SLC27A3: variants seen among roughly 807,000 people sequenced by gnomAD.
SLC27A3 encodes the protein long-chain fatty acid transport protein 3.
In SLC27A3, 60 loss-of-function variants were observed where a neutral mutation model predicts 60.1. The ratio of observed to expected loss-of-function variants is 1.00; its 90% CI spans 0.81 to 1.24. SLC27A3 has a LOEUF of 1.24. Among genes scored for constraint, SLC27A3 ranks in the 50% most tolerant of loss-of-function variants. The probability of loss-of-function intolerance (pLI) is 0.00; values close to 1 mark genes in which losing one functional copy is unlikely to be tolerated. For missense variants in SLC27A3, 1,079 were observed against 929.9 expected (o/e 1.16, Z -2.09); for synonymous variants, 455 against 409.0 (o/e 1.11, Z -1.36).
At chr1:153,779,634 T>C (rs1673437013) in intron 9 of SLC27A3, 161 bp downstream of exon 9, 1 of 943,168 alleles carries the variant, frequency 1.1e-6, no homozygotes, top group East Asian at 2.5e-5. Context: ...ACACAAGCTC[T>C]TCACCCCACT....
At chr1:153,776,838 C>T (rs1419407243) in intron 2 of SLC27A3, 111 bp downstream of exon 2, 2 of 1,095,472 alleles carry the variant, frequency 1.8e-6, no homozygotes, top group Non-Finnish European at 2.7e-6. Context: ...ATTTCATTGG[C>T]ACATCCTTTT....
Position 153,776,184 on chromosome 1 carries a change from C to A in SLC27A3, c.667+20C>A. ...CGCCAGGTAAGGCTGGAGCTCCGAA[C>A]TGACTAAGGCGGGGCCAGCCACAGA... On this transcript the variant is annotated intron_variant, in intron 1 of 9. Transcript: ENST00000624995. 1 of 1,408,654 alleles carries A rather than the reference C, an allele frequency of 7.1e-7. No individual in the cohort carries two copies. Among genetic ancestry groups the A allele is most frequent in the Non-Finnish European group, 9.2e-7 (1 of 1,090,398 alleles). 87.3% of individuals were successfully genotyped at this position (1,408,654 alleles called of 1,614,324 possible). A position where few individuals can be genotyped will look rare whatever the true frequency, so the allele number is the denominator to read the frequency against.
At chr1:153,776,295 G>A (rs1299402278) in intron 1 of SLC27A3, 131 bp downstream of exon 1, 1 of 1,417,184 alleles carries the variant, frequency 7.1e-7, no homozygotes, top group Admixed American at 3.0e-5. Context: ...TTCGAAAGTG[G>A]GTGGAGATAG....
intron 3 of SLC27A3, 84 bp from the exon 4 acceptor site, chr1:153,777,675 TGG>T: frequency 1.3e-6 from 2 of 1,521,936 alleles, no homozygotes; most frequent in Non-Finnish European, 1.8e-6. Context: ...ACTACAGTGA[TGG>T]CTGGGGTCTG....
chr1:153,778,519 G>A lies in SLC27A3; in HGVS notation c.1413G>A (p.Arg471=). The change falls in exon 6 of 10, where the codon CGG becomes CGA. Residue 471 remains arginine, a synonymous_variant. Transcript: ENST00000624995. ...ATGTCACCACAGGAGAGCCAATTCGGGACCCCCAGGGGCACTGTATGGCCA... is the reference window on the plus strand; with the variant it reads ...ATGTCACCACAGGAGAGCCAATTCGAGACCCCCAGGGGCACTGTATGGCCA... ...RYDVTTGEPI[R]DPQGHCMATS... is the part of the protein sequence containing the mutation. The A allele has an allele frequency of 1.2e-6, 2 of 1,614,216 alleles. No homozygotes were observed. The highest frequency in any genetic ancestry group is 1.1e-5 in the South Asian group (1 of 91,088).
rs889827142 is a variant in SLC27A3 at position 153,777,280 on chromosome 1, C to T, written c.1036+60C>T. 9 of 1,586,996 alleles carry T rather than the reference C, an allele frequency of 5.7e-6. No individual in the cohort carries two copies. The Admixed American group carries it at 1.5e-4, about 27-fold the overall frequency. ...CCAGTAGACATTTATTAAGCACGTA[C>T]TATGGTGTGAGTCCTCCAGGGTAGA... On this transcript the variant is annotated intron_variant, in intron 3 of 9. Transcript: ENST00000624995.
In SLC27A3 at chr1:153,780,044, G is replaced by A. The variant is rs1464228747; in HGVS notation, c.*42G>A. On this transcript the variant is annotated 3_prime_UTR_variant, in exon 10 of 10. Coordinates refer to ENST00000624995, the MANE Select transcript of SLC27A3 (RefSeq NM_024330.4). ...GGCACCTGAGAGAGGAACTCTGTGG[G>A]GTGGGGGCCGTTGCAGGTGTACTGG... The A allele has an allele frequency of 3.8e-6, 6 of 1,561,732 alleles. No individual in the cohort carries two copies. The highest frequency in any genetic ancestry group is 1.2e-5 in the South Asian group (1 of 86,566).
Position 153,775,893 on chromosome 1 carries a change from G to C in SLC27A3, c.396G>C (p.Arg132=), listed in dbSNP as rs1466563886. Residue 132 remains arginine (R), a synonymous_variant, in exon 1 of 10, where the codon CGG becomes CGC. Transcript: ENST00000624995. Reference sequence around the variant, plus strand: ...AGGGGAGCGCTGGAGAAGGCGAGCGGGCAGCGCCGGGAGCCGGAGATGCAG... The same window carrying C: ...AGGGGAGCGCTGGAGAAGGCGAGCGCGCAGCGCCGGGAGCCGGAGATGCAG... ...SGEGSAGEGE[R]AAPGAGDAAA... 2.7e-6 allele frequency: 4 copies of C among 1,479,756 alleles called. No individual in the cohort carries two copies. The allele number at this position is 1,479,756 out of a possible 1,614,324, so 91.7% of individuals were successfully genotyped here. A position where few individuals can be genotyped will look rare whatever the true frequency, so the allele number is the denominator to read the frequency against.
Position 153,780,088 on chromosome 1 carries a change from TA to T in SLC27A3, c.*87del. Reference sequence around the variant, plus strand: ...GTACTGGGCTGTCAGGGATCTTTTCTATACCAGAACTGCGGTCACTATTTTG... The same window carrying T: ...GTACTGGGCTGTCAGGGATCTTTTCTTACCAGAACTGCGGTCACTATTTTG... On this transcript the variant is annotated 3_prime_UTR_variant, in exon 10 of 10. Coordinates refer to ENST00000624995, the MANE Select transcript of SLC27A3 (RefSeq NM_024330.4). The T allele has an allele frequency of 2.4e-6, 3 of 1,243,910 alleles. No homozygotes were observed. The highest frequency in any genetic ancestry group is 3.4e-6 in the Non-Finnish European group (3 of 894,122). 77.1% of individuals were successfully genotyped at this position (1,243,910 alleles called of 1,614,324 possible).
intron 9 of SLC27A3, 76 bp from the exon 10 acceptor site, chr1:153,779,750 C>A: frequency 1.4e-6 from 2 of 1,427,232 alleles, no homozygotes; most frequent in Non-Finnish European, 1.9e-6. Flanking sequence ...TGCTCCTTAA[C>A]AAAATTCAGG....
chr1:153,777,763 G>GA lies in SLC27A3; in HGVS notation c.1039_1040insA (p.Ala347AspfsTer49). The GA allele has an allele frequency of 6.2e-7, 1 of 1,614,168 alleles. No individual in the cohort carries two copies. Among genetic ancestry groups the GA allele is most frequent in the Non-Finnish European group, 8.5e-7 (1 of 1,180,026 alleles). On this transcript the variant is annotated frameshift_variant, in exon 4 of 10. Transcript: ENST00000624995. LOFTEE classifies it high-confidence loss of function. The stretch of plus-strand genomic sequence containing the variant: ...TCCCCCCTGCCCACTTCTGGCAGGG[G>GA]CCACAGTGGTGCTGAAATCCAAGTT...
In SLC27A3 at chr1:153,778,528, G is replaced by C; in HGVS notation, c.1422G>C (p.Gln474His). The C allele has an allele frequency of 6.2e-7, 1 of 1,614,188 alleles. No homozygotes were observed. Among genetic ancestry groups the C allele is most frequent in the Non-Finnish European group, 8.5e-7 (1 of 1,180,042 alleles). Residue 474 changes from glutamine to histidine, a missense_variant, in exon 6 of 10, where the codon CAG becomes CAC. Transcript: ENST00000624995. ...VTTGEPIRDPQGHCMATSPGE... is the reference protein window; with the variant it reads ...VTTGEPIRDPHGHCMATSPGE... ...CAGGAGAGCCAATTCGGGACCCCCA[G>C]GGGCACTGTATGGCCACATCTCCAG...
Position 153,779,332 on chromosome 1 carries a change from A to T in SLC27A3, c.1745-11A>T. The T allele has an allele frequency of 6.2e-7, 1 of 1,613,878 alleles. No homozygotes were observed. On this transcript the variant is annotated splice_polypyrimidine_tract_variant and intron_variant, in intron 8 of 9. Coordinates refer to ENST00000624995, the MANE Select transcript of SLC27A3 (RefSeq NM_024330.4). ...CATGGAGGGGCTTACTCTGTCTCCC[A>T]CACCCACCAGGGCATGAAGGCAGGG...
rs150299304 is a variant in SLC27A3 at position 153,778,179 on chromosome 1, C to T, written c.1180C>T (p.His394Tyr). Reference sequence around the variant, plus strand: ...ATCTCAGAGCAAGGCAGAACGTGGCCATAAGGTCCGGCTGGCAGTGGGCAG... The same window carrying T: ...ATCTCAGAGCAAGGCAGAACGTGGCTATAAGGTCCGGCTGGCAGTGGGCAG... ...NQPPSKAERGHKVRLAVGSGL... is the reference protein window; with the variant it reads ...NQPPSKAERGYKVRLAVGSGL... The change falls in exon 5 of 10, where the codon CAT becomes TAT. Residue 394 changes from histidine (H) to tyrosine (Y), a missense_variant. Coordinates refer to ENST00000624995, the MANE Select transcript of SLC27A3 (RefSeq NM_024330.4). The T allele has an allele frequency of 7.5e-6, 12 of 1,610,290 alleles. No homozygotes were observed. The African/African-American group carries it at 1.6e-4, about 21-fold the overall frequency.
chr1:153,777,585 CA>C, intron 3 of SLC27A3, 175 bp from the exon 4 acceptor site: 1 of 794,504 alleles, frequency 1.3e-6, no homozygotes, highest in Non-Finnish European at 2.0e-6. Flanking sequence ...AGGCTGGGGA[CA>C]GGGGCCGGGG....
chr1:153,775,569 G>A lies in SLC27A3; in HGVS notation c.72G>A (p.Pro24=). 1.2e-6 allele frequency: 2 copies of A among 1,609,880 alleles called. No individual in the cohort carries two copies. The highest frequency in any genetic ancestry group is 8.5e-7 in the Non-Finnish European group (1 of 1,179,366). ...TGCTGCTGAAGCTACACCTCTGGCC[G>A]CAGTTGCGCTGGCTTCCGGCGGACT... ...PLLLLKLHLW[P]QLRWLPADLA... Residue 24 remains proline (P), a synonymous_variant, in exon 1 of 10, where the codon CCG becomes CCA. Coordinates refer to ENST00000624995, the MANE Select transcript of SLC27A3 (RefSeq NM_024330.4).
chr1:153,776,145 C>G lies in SLC27A3; in HGVS notation c.648C>G (p.Arg216=). The part of the protein sequence containing the change: ...LLHCLRSCGA[R]ALVLAPEFLE... ...ACTGCCTCCGCAGCTGCGGCGCGCG[C>G]GCGCTGGTGCTGGCGCCAGGTAAGG... The change falls in exon 1 of 10, where the codon CGC becomes CGG. Residue 216 remains arginine, a synonymous_variant. Transcript: ENST00000624995. 1 of 1,425,520 alleles carries G rather than the reference C, an allele frequency of 7.0e-7. No individual in the cohort carries two copies. Among genetic ancestry groups the G allele is most frequent in the Non-Finnish European group, 9.1e-7 (1 of 1,102,588 alleles). 88.3% of individuals were successfully genotyped at this position (1,425,520 alleles called of 1,614,324 possible). A position where few individuals can be genotyped will look rare whatever the true frequency, so the allele number is the denominator to read the frequency against.
Position 153,778,549 on chromosome 1 carries a change from T to C in SLC27A3, c.1443T>C (p.Ser481=). 6.2e-7 allele frequency: 1 copy of C among 1,613,940 alleles called. No homozygotes were observed. Among genetic ancestry groups the C allele is most frequent in the East Asian group, 2.2e-5 (1 of 44,876 alleles). ...RDPQGHCMAT[S]PGEPGLLVAP... ...CCCAGGGGCACTGTATGGCCACATC[T>C]CCAGGTTGGTGGTGTTCTGGTGGGG... Residue 481 remains serine (S), a synonymous_variant, in exon 6 of 10, where the codon TCT becomes TCC. Coordinates refer to ENST00000624995, the MANE Select transcript of SLC27A3 (RefSeq NM_024330.4).
At position 153,776,563 on chromosome 1, in the gene SLC27A3, T is replaced by C; in HGVS notation, c.713T>C (p.Met238Thr). The C allele has an allele frequency of 1.2e-6, 2 of 1,614,118 alleles. No homozygotes were observed. The highest frequency in any genetic ancestry group is 2.2e-5 in the South Asian group (2 of 91,080). ...LEPDLPALRA[M>T]GLHLWAAGPG... ...CCGGACCTGCCCGCCCTGAGAGCCA[T>C]GGGGCTCCACCTGTGGGCTGCAGGC... The change falls in exon 2 of 10, where the codon ATG becomes ACG. Residue 238 changes from methionine to threonine, a missense_variant. Transcript: ENST00000624995.
Sources: gnomAD v4.1 joint callset for allele counts on GRCh38, gnomAD v4.1.1 for gene constraint, MANE v1.5 for transcripts, NCBI Gene and HGNC (gene_info 2026-07-23, HGNC 2026-07-21) for gene names.